COG5: variants seen among roughly 807,000 people sequenced by gnomAD.
The protein encoded by COG5 is component of oligomeric golgi complex 5.
COG5 carries 86 observed loss-of-function variants against 110.4 expected under a neutral mutation model. The ratio of observed to expected loss-of-function variants is 0.78; its 90% CI spans 0.65 to 0.93. The LOEUF (loss-of-function observed/expected upper bound fraction) is 0.93. COG5 is among the 40% of genes least tolerant of loss of function. The pLI, the probability that COG5 is intolerant of heterozygous loss-of-function variation, is 0.00. For missense variants in COG5, 1,077 were observed against 987.0 expected (o/e 1.09, Z -1.22); for synonymous variants, 360 against 334.6 (o/e 1.08, Z -0.83).
At chr7:107,303,547 C>T (rs1807458581) in intron 11 of COG5, among the ~76,000 whole-genome samples, 1 of 151,980 alleles carries the variant, frequency 6.6e-6, no homozygotes, top group Admixed American at 6.5e-5. Context: ...ACCTCAGCCT[C>T]CCAAGTAGCT....
chr7:107,218,346 CAT>C (rs1168703918), intron 19 of COG5, among the ~76,000 whole-genome samples: 1 of 151,904 alleles, frequency 6.6e-6, no homozygotes, highest in Non-Finnish European at 1.5e-5. Flanking sequence ...AAATAGAAAA[CAT>C]AATCCTAAAA....
intron 6 of COG5, among the ~76,000 whole-genome samples, chr7:107,443,436 T>C (rs915457972): frequency 3.6e-4 from 55 of 152,230 alleles, no homozygotes; most frequent in African/African-American, 1.2e-3. Context: ...AAAATTAGTT[T>C]ATGGCTACAA....
At chr7:107,231,938 C>T (rs778705676) in intron 18 of COG5, among the ~76,000 whole-genome samples, 2 of 152,118 alleles carry the variant, frequency 1.3e-5, no homozygotes, top group African/African-American at 4.8e-5. Flanking sequence ...CACATACATA[C>T]ACACATAATG....
chr7:107,387,660 G>C (rs542667803), intron 7 of COG5, among the ~76,000 whole-genome samples: 67 of 152,288 alleles, frequency 4.4e-4, no homozygotes, highest in Admixed American at 2.7e-3. Context: ...GTTAGTTAAG[G>C]AGCAGTTAAA....
chr7:107,294,305 G>T (rs1275708169), intron 12 of COG5, among the ~76,000 whole-genome samples: 1 of 152,100 alleles, frequency 6.6e-6, no homozygotes, highest in Non-Finnish European at 1.5e-5. Flanking sequence ...TCCATGGCTT[G>T]CCCTCTACAT....
chr7:107,295,101 A>ATATATTT (rs1289733590), intron 12 of COG5, among the ~76,000 whole-genome samples: 1 of 45,518 alleles, frequency 2.2e-5, no homozygotes, highest in Non-Finnish European at 3.9e-5. Context: ...ATATATATAT[A>ATATATTT]TTTTTTTTTT....
At position 107,236,580 on chromosome 7, in the gene COG5, C is replaced by G; in HGVS notation, c.1961G>C (p.Cys654Ser). The change falls in exon 18 of 22, where the codon TGC becomes TCC. Residue 654 changes from cysteine (C) to serine (S), a missense_variant. Physicochemically the swap from Cys to Ser is moderately radical, Grantham distance 112 (BLOSUM62 -1). Coordinates refer to ENST00000297135, the MANE Select transcript of COG5 (RefSeq NM_006348.5). The part of the protein sequence containing the change: ...VMSDYFKHFE[C>S]LDFVFDNTEA... ...AGTGTTGTCAAAGACAAAATCCAAG[C>G]ATTCAAAGTGTTTAAAATAGTCACT... is the stretch of plus-strand genomic sequence containing the variant. 4.3e-6 allele frequency: 7 copies of G among 1,614,058 alleles called. No individual in the cohort carries two copies. The highest frequency in any genetic ancestry group is 5.9e-6 in the Non-Finnish European group (7 of 1,179,950).
chr7:107,328,526 G>T (rs1036580337), intron 10 of COG5, among the ~76,000 whole-genome samples: 3 of 152,176 alleles, frequency 2.0e-5, no homozygotes, highest in African/African-American at 7.2e-5. Context: ...GTCACAAAAA[G>T]ATAAATGCTG....
At chr7:107,347,070 G>A (rs929478145) in intron 10 of COG5, among the ~76,000 whole-genome samples, 1 of 152,108 alleles carries the variant, frequency 6.6e-6, no homozygotes, top group East Asian at 1.9e-4. Context: ...ATATACCCAA[G>A]CAATGATTGC....
At chr7:107,457,515 G>A (rs188332240) in intron 6 of COG5, among the ~76,000 whole-genome samples, 550 of 152,172 alleles carry the variant, frequency 3.6e-3, no homozygotes, top group Non-Finnish European at 4.8e-3. Flanking sequence ...TGCAAGCGCC[G>A]CCTCCCAGGT....
At chr7:107,224,975 A>C (rs1054700609) in intron 19 of COG5, among the ~76,000 whole-genome samples, 2 of 152,262 alleles carry the variant, frequency 1.3e-5, no homozygotes, top group Non-Finnish European at 2.9e-5. Flanking sequence ...ACCATCAAGA[A>C]GAAAGTGCCC....
intron 21 of COG5, chr7:107,207,787 G>C (rs919998197): frequency 6.1e-6 from 6 of 985,252 alleles, no homozygotes; most frequent in Non-Finnish European, 7.2e-6. Context: ...AAATGAACTT[G>C]ACTAGTATTC....
rs1254506592 is a variant in COG5, at chr7:107,534,952, A to G, written c.418-7595T>C. On this transcript the variant is annotated intron_variant, in intron 5 of 21. Coordinates refer to ENST00000297135, the MANE Select transcript of COG5 (RefSeq NM_006348.5). ...CCCCTCAGGAAATGTAAAAGAATGG[A>G]AATCATAACCAACAGTCTCTCAGAC... Among the ~76,000 whole-genome samples, 2 of 151,652 alleles carry G rather than the reference A, an allele frequency of 1.3e-5. 1 individual carries two copies. Among genetic ancestry groups the G allele is most frequent in the African/African-American group, 4.9e-5 (2 of 40,928 alleles).
Position 107,412,526 on chromosome 7 carries a change from T to C in COG5, c.645A>G (p.Leu215=). The change falls in exon 7 of 22, where the codon CTA becomes CTG. Residue 215 remains leucine, a synonymous_variant. Transcript: ENST00000297135. ...CCTGAGTCTCCAAACCCTGCTCTAG[T>C]AGGCGCTTAGCTTGATTTTCCACTT... The part of the protein sequence containing the change: ...RLEVENQAKR[L]LEQGLETQNP... 2.5e-6 allele frequency: 4 copies of C among 1,613,114 alleles called. No homozygotes were observed. The highest frequency in any genetic ancestry group is 1.3e-5 in the African/African-American group (1 of 75,002).
chr7:107,269,317 T>C (rs952499164), intron 14 of COG5, among the ~76,000 whole-genome samples: 3 of 151,838 alleles, frequency 2.0e-5, no homozygotes, highest in African/African-American at 7.3e-5. Flanking sequence ...CTACTAAAAA[T>C]ACAAAAAATT....
chr7:107,248,124 T>C (rs1180175628), intron 17 of COG5, among the ~76,000 whole-genome samples: 3 of 152,150 alleles, frequency 2.0e-5, no homozygotes, highest in South Asian at 4.1e-4. Flanking sequence ...ACTCATTTTA[T>C]GTTTCAATAA....
intron 6 of COG5, among the ~76,000 whole-genome samples, chr7:107,465,181 C>T (rs1327547383): frequency 1.3e-5 from 2 of 152,118 alleles, no homozygotes; most frequent in Non-Finnish European, 2.9e-5. Context: ...AAAAAGTAAA[C>T]TATCTCTATT....
intron 2 of COG5, among the ~76,000 whole-genome samples, chr7:107,555,385 C>A (rs1160666739): frequency 6.6e-6 from 1 of 152,190 alleles, no homozygotes; most frequent in Non-Finnish European, 1.5e-5. Context: ...TTCTTAATCA[C>A]CAACGACTGG....
rs527878005 is a variant in COG5, at chr7:107,247,164, A to G, written c.1853+1232T>C. Among the ~76,000 whole-genome samples, 7 of 152,298 alleles carry G rather than the reference A, an allele frequency of 4.6e-5. No individual in the cohort carries two copies. In the East Asian group the frequency reaches 1.4e-3, roughly 29 times the overall value. ...GTTCTCACTTATAAGTGGGATCTAA[A>G]TAATGAGAACTTACGAACACAAAGA... On this transcript the variant is annotated intron_variant, in intron 17 of 21. Coordinates refer to ENST00000297135, the MANE Select transcript of COG5 (RefSeq NM_006348.5).
Sources: allele counts gnomAD v4.1 joint callset (sites outside exome capture counted in the v4.1 genomes callset), GRCh38; gene constraint gnomAD v4.1.1; transcripts MANE v1.5; gene names NCBI Gene and HGNC (gene_info 2026-07-23, HGNC 2026-07-21).